The following MTCL1 variants were observed in gnomAD, a reference collection of about 807,000 sequenced individuals.
MTCL1 encodes the protein microtubule crosslinking factor 1.
Under a neutral mutation model 141.4 loss-of-function variants are expected in MTCL1, and 79 were observed. The observed-to-expected ratio is 0.56, with a 90% CI of 0.47 to 0.67. MTCL1 has a LOEUF of 0.67. MTCL1 is among the 30% of genes least tolerant of loss of function. The pLI is 0.00. For missense variants in MTCL1, 2,177 were observed against 2,113.9 expected (o/e 1.03, Z -0.59); for synonymous variants, 914 against 875.8 (o/e 1.04, Z -0.77).
upstream of MTCL1, chr18:8,705,561 TGA>T (rs1393532825): frequency 4.9e-6 from 5 of 1,023,030 alleles, no homozygotes; most frequent in Non-Finnish European, 6.1e-6. This position sits in a 1 kb window ranked among gnomAD's most constrained non-coding sequence, Gnocchi z 5.2. Flanking sequence ...GGGACAGTGA[TGA>T]GAGAGCGCGC....
chr18:8,720,081 T>C (rs1046586815), intron 3 of MTCL1: 5 of 356,612 alleles, frequency 1.4e-5, no homozygotes, highest in African/African-American at 6.2e-5. Flanking sequence ...ATACCAACTT[T>C]AGTGACACTA....
chr18:8,813,109 G>T (rs201566176), exon 12 of MTCL1: 1 of 1,614,194 alleles, frequency 6.2e-7, no homozygotes, highest in Non-Finnish European at 8.5e-7. Flanking sequence ...ATGGACCTGC[G>T]CTGGCAGATC....
chr18:8,767,256 A>T (rs2096463871), intron 4 of MTCL1, among the ~76,000 whole-genome samples: 1 of 152,244 alleles, frequency 6.6e-6, no homozygotes, highest in Admixed American at 6.5e-5. Context: ...GATTTGCCCA[A>T]GGGGCATCAG....
intron 4 of MTCL1, among the ~76,000 whole-genome samples, chr18:8,750,954 G>C (rs2096367778): frequency 6.6e-6 from 1 of 152,270 alleles, no homozygotes; most frequent in East Asian, 1.9e-4. Context: ...CGGCCTGAGT[G>C]CTGGGTAGGG....
chr18:8,820,705 G>A (rs1290526929), intron 13 of MTCL1, among the ~76,000 whole-genome samples: 3 of 152,184 alleles, frequency 2.0e-5, no homozygotes, highest in Non-Finnish European at 2.9e-5. Flanking sequence ...GAGCCTGTGC[G>A]TGGGTTCCAG....
At chr18:8,820,888 C>T (rs3810053) in intron 13 of MTCL1, among the ~76,000 whole-genome samples, 43,791 of 152,102 alleles carry the variant, frequency 0.29, 7,152 homozygotes, top group Non-Finnish European at 0.35. Flanking sequence ...CGTGTTTATG[C>T]CGTTCTCTAC....
intron 10 of MTCL1, among the ~76,000 whole-genome samples, chr18:8,801,379 G>T (rs375056395): frequency 6.7e-6 from 1 of 150,104 alleles, no homozygotes; most frequent in South Asian, 2.1e-4. Context: ...AATTTTGTAC[G>T]TCATACCGTG....
chr18:8,739,673 T>G (rs1216167055), intron 4 of MTCL1, among the ~76,000 whole-genome samples: 2 of 152,232 alleles, frequency 1.3e-5, no homozygotes, highest in African/African-American at 2.4e-5. Flanking sequence ...GTTTTAGTAC[T>G]GATACCAAGA....
At chr18:8,707,042 A>C (rs979142730) in intron 1 of MTCL1, 5 of 251,430 alleles carry the variant, frequency 2.0e-5, no homozygotes, top group Non-Finnish European at 3.8e-5. Flanking sequence ...GGACGCCCCC[A>C]TCCCCGCTCA....
intron 8 of MTCL1, 34 bp downstream of exon 7, chr18:8,793,154 T>C (rs755357351): frequency 6.2e-7 from 1 of 1,609,716 alleles, no homozygotes; most frequent in South Asian, 1.1e-5. Flanking sequence ...CACAACCGCT[T>C]TGTGAACTGC....
chr18:8,821,203 A>G (rs1226498707), intron 13 of MTCL1, among the ~76,000 whole-genome samples: 1 of 152,116 alleles, frequency 6.6e-6, no homozygotes, highest in Non-Finnish European at 1.5e-5. Flanking sequence ...CTCCATGACA[A>G]AGTTTATAGC....
At position 8,726,629 on chromosome 18, in the gene MTCL1, A is replaced by C. The variant is rs189769267; in HGVS notation, c.357+6133A>C. Among the ~76,000 whole-genome samples, 274 of 152,076 alleles carry C rather than the reference A, an allele frequency of 1.8e-3. 2 individuals are homozygous for C. Among genetic ancestry groups the C allele is most frequent in the African/African-American group, 6.2e-3 (259 of 41,470 alleles). ...TGGGGCCAAGGCCCCACCTCCATAG[A>C]ACATCACGCTGAGGGTCAGGGCTTC... On this transcript the variant is annotated intron_variant, in intron 4 of 16. Coordinates refer to ENST00000359865, the Ensembl canonical transcript of MTCL1.
chr18:8,817,730 C>G (rs945961518), intron 12 of MTCL1, among the ~76,000 whole-genome samples: 3 of 152,182 alleles, frequency 2.0e-5, no homozygotes. Context: ...CATTATTTGG[C>G]CACTCCTTCA....
At chr18:8,827,696 A>G (rs1314817190) in intron 15 of MTCL1, among the ~76,000 whole-genome samples, 1 of 152,226 alleles carries the variant, frequency 6.6e-6, no homozygotes, top group Non-Finnish European at 1.5e-5. Context: ...AATTGGGGCT[A>G]TGTCACAAAG....
At chr18:8,726,227 A>C (rs1176958111) in intron 4 of MTCL1, among the ~76,000 whole-genome samples, 2 of 146,528 alleles carry the variant, frequency 1.4e-5, no homozygotes, top group Non-Finnish European at 3.0e-5. Context: ...TGCTTTCATC[A>C]TCTATACCAA....
intron 12 of MTCL1, among the ~76,000 whole-genome samples, chr18:8,813,879 A>G (rs966585158): frequency 6.6e-6 from 1 of 152,250 alleles, no homozygotes; most frequent in African/African-American, 2.4e-5. Flanking sequence ...TCTGCATTGC[A>G]TCAGACTTAG....
chr18:8,722,146 G>C (rs2096177540), intron 4 of MTCL1, among the ~76,000 whole-genome samples: 3 of 152,020 alleles, frequency 2.0e-5, no homozygotes, highest in Non-Finnish European at 4.4e-5. Flanking sequence ...CTGTTCCTTT[G>C]TTCTAAGTTT....
chr18:8,817,729 GC>G (rs2076705096), intron 12 of MTCL1, among the ~76,000 whole-genome samples: 1 of 152,164 alleles, frequency 6.6e-6, no homozygotes, highest in South Asian at 2.1e-4. Flanking sequence ...TCATTATTTG[GC>G]CACTCCTTCA....
chr18:8,766,025 A>G (rs1285110602), intron 4 of MTCL1, among the ~76,000 whole-genome samples: 2 of 152,110 alleles, frequency 1.3e-5, no homozygotes, highest in Admixed American at 6.5e-5. Context: ...ATTCACCCTT[A>G]TGTACCCACA....
Sources: allele counts gnomAD v4.1 joint callset (sites outside exome capture counted in the v4.1 genomes callset), GRCh38; gene constraint gnomAD v4.1.1; non-coding constraint Gnocchi (gnomAD v3.1); transcripts MANE v1.5; gene names NCBI Gene and HGNC (gene_info 2026-07-23, HGNC 2026-07-21).